The following DICER1 variants were observed in gnomAD, a reference collection of about 807,000 sequenced individuals.
DICER1 encodes dicer 1, ribonuclease III, also known as endoribonuclease Dicer.
A neutral mutation model predicts 194.1 loss-of-function variants in DICER1; 43 were observed. That is an observed-to-expected ratio of 0.22 (90% confidence interval 0.17 to 0.29). The LOEUF is 0.29. DICER1 is among the 10% of genes least tolerant of loss of function. The pLI, the probability that DICER1 is intolerant of heterozygous loss-of-function variation, is 1.00. For missense variants in DICER1, 1,608 were observed against 2,317.0 expected (o/e 0.69, Z 6.28); for synonymous variants, 832 against 820.5 (o/e 1.01, Z -0.24).
Position 95,105,081 on chromosome 14 carries a change from C to T in DICER1, c.3259G>A (p.Ala1087Thr). The T allele has an allele frequency of 1.9e-6, 3 of 1,614,090 alleles. No homozygotes were observed. The highest frequency in any genetic ancestry group is 1.1e-5 in the South Asian group (1 of 91,070). ...DAGVGVRSLP[A>T]DFRYPNLDFG... ...ACTGCACAGGCATACCTAAAATCCG[C>T]AGGAAGTGATCTGACTCCCACGCCA... is the stretch of plus-strand genomic sequence containing the variant. The change falls in exon 20 of 27, where the codon GCG (alanine) becomes ACG (threonine). Residue 1087 changes from alanine to threonine, a missense_variant. Physicochemically the swap from Ala to Thr is moderately conservative, Grantham distance 58. Transcript: ENST00000343455. This position sits in a 1 kb window ranked among gnomAD's most constrained non-coding sequence, Gnocchi z 4.9.
chr14:95,099,747 C>T (rs950481618), intron 22 of DICER1, 33 bp downstream of exon 22: 2 of 1,472,068 alleles, frequency 1.4e-6, no homozygotes. Context: ...CACACACACA[C>T]ACACACACAC....
chr14:95,150,317 C>T (rs914626184), intron 1 of DICER1, among the ~76,000 whole-genome samples: 1 of 152,034 alleles, frequency 6.6e-6, no homozygotes, highest in Non-Finnish European at 1.5e-5. Flanking sequence ...AACCCCGTCT[C>T]CACTTAAAAA....
At chr14:95,121,691 T>C (rs1463024159) in intron 8 of DICER1, among the ~76,000 whole-genome samples, 1 of 152,134 alleles carries the variant, frequency 6.6e-6, no homozygotes, top group African/African-American at 2.4e-5. Context: ...ATGTGTGTAA[T>C]TTGGGGGAAG....
chr14:95,110,876 A>G (rs552945534), intron 14 of DICER1, among the ~76,000 whole-genome samples: 17 of 152,196 alleles, frequency 1.1e-4, no homozygotes, highest in African/African-American at 3.4e-4. Flanking sequence ...CTCCTGACAG[A>G]TATTTGTGCT....
chr14:95,088,852 T>C lies in DICER1; in HGVS notation c.*1646A>G, dbSNP rs1194042023. 1.3e-5 allele frequency: 3 copies of C among 233,322 alleles called. No individual in the cohort carries two copies. Among genetic ancestry groups the C allele is most frequent in the Admixed American group, 5.6e-5 (1 of 17,774 alleles). 14.5% of individuals were successfully genotyped at this position (233,322 alleles called of 1,614,324 possible). ...ACAGTATTCAAATGTCACTTACATATAAATGCAGCATTCCACGAAGCATCA... is the reference window on the plus strand; with the variant it reads ...ACAGTATTCAAATGTCACTTACATACAAATGCAGCATTCCACGAAGCATCA... On this transcript the variant is annotated 3_prime_UTR_variant, in exon 27 of 27. Coordinates refer to ENST00000343455, the MANE Select transcript of DICER1 (RefSeq NM_177438.3).
chr14:95,098,023 A>AT lies in DICER1; in HGVS notation c.4207-1311dup, dbSNP rs918188703. On this transcript the variant is annotated intron_variant, in intron 22 of 26. Transcript: ENST00000343455. Reference sequence around the variant, plus strand: ...TGCGATTTTTAAAAAATCAGACAATATTTTTTTTTTATTGAAAAAAACCTT... The same window carrying AT: ...TGCGATTTTTAAAAAATCAGACAATATTTTTTTTTTTATTGAAAAAAACCTT... Among the ~76,000 whole-genome samples, 12 of 149,444 alleles carry AT rather than the reference A, an allele frequency of 8.0e-5. 1 individual carries two copies. Among genetic ancestry groups the AT allele is most frequent in the Admixed American group, 3.3e-4 (5 of 14,988 alleles).
chr14:95,096,490 G>A lies in DICER1; in HGVS notation c.4430C>T (p.Ser1477Phe), dbSNP rs1463264407. 1.2e-6 allele frequency: 2 copies of A among 1,614,034 alleles called. No homozygotes were observed. ...TTTGGGCATTTTCCATTCATATGCA[G>A]AATCAGTGGTTGAAAAAGGAGAAAG... ...ISLSPFSTTD[S>F]AYEWKMPKKS... Residue 1477 changes from serine (S) to phenylalanine (F), a missense_variant, in exon 23 of 27, where the codon TCT (serine) becomes TTT (phenylalanine). Coordinates refer to ENST00000343455, the MANE Select transcript of DICER1 (RefSeq NM_177438.3).
intron 22 of DICER1, among the ~76,000 whole-genome samples, chr14:95,097,821 C>CT (rs1890499463): frequency 6.6e-6 from 1 of 152,104 alleles, no homozygotes; most frequent in Admixed American, 6.5e-5. Flanking sequence ...AGCCATATCT[C>CT]TAACTATTTA....
Position 95,096,632 on chromosome 14 carries a change from T to C in DICER1, c.4288A>G (p.Arg1430Gly), listed in dbSNP as rs771513798. ...EDEEEESLMW[R>G]APKEEADYED... is the part of the protein sequence containing the mutation. ...TAGTCAGCCTCTTCCTTCGGAGCCC[T>C]CCACATCAGGCTCTCCTCCTCCTCA... The change falls in exon 23 of 27, where the codon AGG becomes GGG. Residue 1430 changes from arginine to glycine, a missense_variant. By Grantham distance (125) the Arg-to-Gly change is moderately radical. This residue lies in a region of DICER1 where 164 missense variants were observed against 183.7 expected (regional missense o/e 0.89). Transcript: ENST00000343455. 4 of 1,612,020 alleles carry C rather than the reference T, an allele frequency of 2.5e-6. No individual in the cohort carries two copies. The African/African-American group carries it at 4.0e-5, about 16-fold the overall frequency.
chr14:95,151,401 G>A (rs759771914), intron 1 of DICER1, among the ~76,000 whole-genome samples: 2 of 152,146 alleles, frequency 1.3e-5, no homozygotes, highest in Non-Finnish European at 2.9e-5. Context: ...ACTATTGCAT[G>A]TTAAAATTTT....
At chr14:95,101,744 C>G (rs1327125077) in intron 21 of DICER1, among the ~76,000 whole-genome samples, 1 of 152,176 alleles carries the variant, frequency 6.6e-6, no homozygotes, top group East Asian at 1.9e-4. Flanking sequence ...GTTAGGTGAC[C>G]TGACAGGAGC....
rs765605529 is a variant in DICER1 at position 95,095,880 on chromosome 14, C to T, written c.5040G>A (p.Lys1680=). The T allele has an allele frequency of 6.2e-7, 1 of 1,614,132 alleles. No individual in the cohort carries two copies. The highest frequency in any genetic ancestry group is 8.5e-7 in the Non-Finnish European group (1 of 1,180,016). ...GTGTAAAAGCCTGGAGAAGGTAAGC[C>T]TTATTCTTGAATCTGTAGTTGATTT... is the stretch of plus-strand genomic sequence containing the variant. ...EKKINYRFKN[K]AYLLQAFTHA... Residue 1680 remains lysine, a synonymous_variant, in exon 23 of 27, where the codon AAG becomes AAA. Coordinates refer to ENST00000343455, the MANE Select transcript of DICER1 (RefSeq NM_177438.3).
chr14:95,129,042 C>T (rs1893721173), intron 6 of DICER1: 1 of 157,160 alleles, frequency 6.4e-6, no homozygotes, highest in African/African-American at 2.4e-5. Context: ...ATCCACAACC[C>T]ATTTTCAAAA....
intron 1 of DICER1, among the ~76,000 whole-genome samples, chr14:95,152,803 G>C (rs1895597506): frequency 6.6e-6 from 1 of 152,224 alleles, no homozygotes; most frequent in South Asian, 2.1e-4. Flanking sequence ...TTACATAACT[G>C]AAAATGTCAA....
intron 1 of DICER1, among the ~76,000 whole-genome samples, chr14:95,151,660 C>T (rs1595511272): frequency 6.6e-6 from 1 of 152,286 alleles, no homozygotes; most frequent in East Asian, 1.9e-4. Flanking sequence ...TGCTCTTAAG[C>T]ATCCCTACAA....
chr14:95,117,192 A>T (rs576108048), intron 9 of DICER1, among the ~76,000 whole-genome samples: 2 of 152,188 alleles, frequency 1.3e-5, no homozygotes, highest in East Asian at 3.9e-4. Flanking sequence ...TCTATAAAAT[A>T]TAGTGCTGTT....
rs1060503644 is a variant in DICER1 at position 95,096,143 on chromosome 14, C to G, written c.4777G>C (p.Val1593Leu). 2.5e-6 allele frequency: 4 copies of G among 1,614,176 alleles called. No individual in the cohort carries two copies. Among genetic ancestry groups the G allele is most frequent in the Non-Finnish European group, 3.4e-6 (4 of 1,180,022 alleles). Residue 1593 changes from valine to leucine, a missense_variant, in exon 23 of 27, where the codon GTA (valine) becomes CTA (leucine). Val to Leu is a conservative substitution (Grantham distance 32). Around this residue, in one of 10 missense-constraint regions of DICER1, gnomAD observed 125 missense variants for 134.9 expected, o/e 0.93. Transcript: ENST00000343455. ...LCSLGLKVLPVIKRTDREKAL... is the reference protein window; with the variant it reads ...LCSLGLKVLPLIKRTDREKAL... ...TTTTCCCGATCAGTCCTTTTAATTACCGGGAGCACCTTCAGCCCCAGTGAA... is the reference window on the plus strand; with the variant it reads ...TTTTCCCGATCAGTCCTTTTAATTAGCGGGAGCACCTTCAGCCCCAGTGAA...
At chr14:95,127,312 A>T (rs890103512) in intron 6 of DICER1, among the ~76,000 whole-genome samples, 1 of 152,206 alleles carries the variant, frequency 6.6e-6, no homozygotes, top group Non-Finnish European at 1.5e-5. Flanking sequence ...TTGTATATCT[A>T]ATCAATATAA....
intron 8 of DICER1, among the ~76,000 whole-genome samples, chr14:95,119,182 C>G (rs1325050518): frequency 6.6e-6 from 1 of 152,014 alleles, no homozygotes; most frequent in African/African-American, 2.4e-5. Context: ...TTTTAACTTA[C>G]TGTTAATTAG....
Sources: allele counts gnomAD v4.1 joint callset (sites outside exome capture counted in the v4.1 genomes callset), GRCh38; gene constraint gnomAD v4.1.1; regional missense constraint gnomAD v4.1.1; non-coding constraint Gnocchi (gnomAD v3.1); transcripts MANE v1.5; gene names NCBI Gene and HGNC (gene_info 2026-07-23, HGNC 2026-07-21).